DLGAP2: variants seen among roughly 807,000 people sequenced by gnomAD.
DLGAP2 encodes the protein DLG associated protein 2.
DLGAP2 carries 26 observed loss-of-function variants against 100.3 expected under a neutral mutation model. The ratio of observed to expected loss-of-function variants is 0.26; its 90% CI spans 0.19 to 0.36. DLGAP2 has a LOEUF of 0.36. Ranked by LOEUF, DLGAP2 falls within the 10% of genes least tolerant of loss-of-function variation. DLGAP2 has a pLI of 1.00. For synonymous variants in DLGAP2, 886 were observed against 630.1 expected (o/e 1.41, Z -6.08); for missense variants, 1,858 against 1,453.2 (o/e 1.28, Z -4.53).
intron 2 of DLGAP2, among the ~76,000 whole-genome samples, chr8:1,131,664 G>C (rs1796298071): frequency 6.6e-6 from 1 of 151,006 alleles, no homozygotes; most frequent in Admixed American, 6.6e-5. Flanking sequence ...TTCCACATTA[G>C]GTGAGATGTT....
intron 5 of DLGAP2, among the ~76,000 whole-genome samples, chr8:1,560,994 C>T (rs1802138880): frequency 6.6e-6 from 1 of 152,162 alleles, no homozygotes; most frequent in Admixed American, 6.5e-5. Flanking sequence ...TGCCTGGCAG[C>T]TCCCATAATC....
chr8:939,779 T>G (rs35759294), intron 2 of DLGAP2, among the ~76,000 whole-genome samples: 5,036 of 12,630 alleles, frequency 0.4, 756 homozygotes, highest in Admixed American at 0.52. Context: ...GTGCCTGGGA[T>G]TGGGAGGTGC....
At chr8:1,422,052 C>T (rs1312698240) in intron 3 of DLGAP2, among the ~76,000 whole-genome samples, 1 of 151,952 alleles carries the variant, frequency 6.6e-6, no homozygotes, top group Non-Finnish European at 1.5e-5. Flanking sequence ...GCATCTAACA[C>T]ACGCTAGGCA....
intron 6 of DLGAP2, among the ~76,000 whole-genome samples, chr8:1,584,824 T>C (rs1796067845): frequency 6.6e-6 from 1 of 152,188 alleles, no homozygotes; most frequent in African/African-American, 2.4e-5. Flanking sequence ...TCGTGCTGTT[T>C]CCAGTATCTT....
At chr8:973,431 G>A in intron 2 of DLGAP2, among the ~76,000 whole-genome samples, 1 of 151,814 alleles carries the variant, frequency 6.6e-6, no homozygotes. Flanking sequence ...TCACCTCCCA[G>A]ACGGGGTCAC....
At chr8:1,529,344 T>G (rs1464524105) in intron 4 of DLGAP2, among the ~76,000 whole-genome samples, 1 of 152,118 alleles carries the variant, frequency 6.6e-6, no homozygotes, top group African/African-American at 2.4e-5. Flanking sequence ...ATGGGGATTA[T>G]AGGGATTGTC....
chr8:1,585,036 T>C (rs1013256721), intron 6 of DLGAP2, among the ~76,000 whole-genome samples: 1 of 99,126 alleles, frequency 1.0e-5, no homozygotes, highest in African/African-American at 5.5e-5. Flanking sequence ...GTGCTTTACT[T>C]ATTCTTTTCT....
At chr8:1,638,714 G>A (rs1034431575) in intron 8 of DLGAP2, among the ~76,000 whole-genome samples, 6 of 152,252 alleles carry the variant, frequency 3.9e-5, no homozygotes, top group African/African-American at 1.2e-4. Flanking sequence ...TGCCCCAGCC[G>A]TGGATGAGGC....
chr8:1,480,154 C>CA (rs1313016814), intron 3 of DLGAP2, among the ~76,000 whole-genome samples: 2 of 152,204 alleles, frequency 1.3e-5, no homozygotes, highest in Non-Finnish European at 2.9e-5. Context: ...AGCCTTTAAC[C>CA]ACCACTGTAC....
At chr8:1,556,325 C>A (rs1256680613) in intron 5 of DLGAP2, among the ~76,000 whole-genome samples, 3 of 152,008 alleles carry the variant, frequency 2.0e-5, no homozygotes, top group Non-Finnish European at 4.4e-5. Flanking sequence ...TGGGCGGAGT[C>A]CTGCTCTGTC....
intron 1 of DLGAP2, among the ~76,000 whole-genome samples, chr8:904,326 C>G (rs986448672): frequency 1.3e-5 from 2 of 152,154 alleles, no homozygotes; most frequent in Admixed American, 6.5e-5. Context: ...TTGAGACCAG[C>G]TTGGCCAATG....
At chr8:1,352,015 A>G (rs149514384) in intron 3 of DLGAP2, among the ~76,000 whole-genome samples, 1,321 of 6,724 alleles carry the variant, frequency 0.2, 172 homozygotes, top group East Asian at 0.54. Context: ...GGCCGTGCGG[A>G]TCCTGACTGT....
intron 3 of DLGAP2, among the ~76,000 whole-genome samples, chr8:1,262,787 C>T (rs569145350): frequency 6.6e-6 from 1 of 152,148 alleles, no homozygotes; most frequent in South Asian, 2.1e-4. Context: ...TTTAAGAGTA[C>T]CTGATTCTTT....
At chr8:1,452,421 G>A (rs1483011831) in intron 3 of DLGAP2, among the ~76,000 whole-genome samples, 1 of 152,252 alleles carries the variant, frequency 6.6e-6, no homozygotes, top group African/African-American at 2.4e-5. Context: ...CCCAGCTGGG[G>A]AAGGAGAATG....
intron 1 of DLGAP2, among the ~76,000 whole-genome samples, chr8:897,640 T>C (rs1182852150): frequency 1.3e-5 from 2 of 152,188 alleles, no homozygotes; most frequent in Admixed American, 6.5e-5. Flanking sequence ...CTGCATCTTC[T>C]GTTCCCTCTG....
Position 1,678,338 on chromosome 8 carries a change from C to G in DLGAP2, c.2413C>G (p.Arg805Gly). The G allele has an allele frequency of 1.2e-6, 2 of 1,614,016 alleles. No individual in the cohort carries two copies. Among genetic ancestry groups the G allele is most frequent in the Non-Finnish European group, 1.7e-6 (2 of 1,179,892 alleles). The change falls in exon 12 of 15, where the codon CGG (arginine) becomes GGG (glycine). Residue 805 changes from arginine to glycine, a missense_variant. Coordinates refer to ENST00000637795, the MANE Select transcript of DLGAP2 (RefSeq NM_001346810.2). ...KGLQFGSSFQ[R>G]HSEPSTPTQY... The stretch of plus-strand genomic sequence containing the variant: ...CCTTCAGTTCGGCTCATCCTTCCAG[C>G]GGCACTCCGAGCCCAGCACCCCCAC...
intron 2 of DLGAP2, among the ~76,000 whole-genome samples, chr8:1,249,123 G>A (rs1430989769): frequency 6.6e-6 from 1 of 152,190 alleles, no homozygotes; most frequent in Non-Finnish European, 1.5e-5. Flanking sequence ...CTGTCCCTGG[G>A]AGGGTGGCTG....
At chr8:1,459,231 GCGTCC>G (rs2130145136) in intron 3 of DLGAP2, among the ~76,000 whole-genome samples, 1 of 136,574 alleles carries the variant, frequency 7.3e-6, no homozygotes, top group African/African-American at 2.7e-5. Context: ...AGACCAGCGT[GCGTCC>G]CAGACAGGAG....
intron 1 of DLGAP2, among the ~76,000 whole-genome samples, chr8:765,395 A>G (rs908585406): frequency 6.6e-6 from 1 of 152,180 alleles, no homozygotes; most frequent in Admixed American, 6.5e-5. Flanking sequence ...ATAGAAAACA[A>G]CAAATTCTTT....
Sources: gnomAD v4.1 joint callset for allele counts (sites outside exome capture counted in the v4.1 genomes callset) on GRCh38, gnomAD v4.1.1 for gene constraint, MANE v1.5 for transcripts, NCBI Gene and HGNC (gene_info 2026-07-23, HGNC 2026-07-21) for gene names.